Variants in EYA3 observed in about 807,000 individuals in gnomAD.
The protein encoded by EYA3 is EYA transcriptional coactivator and phosphatase 3, also known as protein phosphatase EYA3.
Under a neutral mutation model 80.0 loss-of-function variants are expected in EYA3, and 39 were observed. The ratio of observed to expected loss-of-function variants is 0.49; its 90% CI spans 0.38 to 0.64. EYA3 has a LOEUF of 0.64. EYA3 is among the 30% of genes least tolerant of loss of function. The pLI is 0.00. For missense variants in EYA3, 523 were observed against 676.1 expected (o/e 0.77, Z 2.51); for synonymous variants, 206 against 232.8 (o/e 0.88, Z 1.05).
intron 1 of EYA3, among the ~76,000 whole-genome samples, chr1:28,084,784 A>T (rs538935463): frequency 6.7e-6 from 1 of 150,146 alleles, no homozygotes; most frequent in Non-Finnish European, 1.5e-5. Context: ...AATTTTTTGT[A>T]TTTTAGTAGA....
chr1:28,021,592 A>T (rs964728429), intron 7 of EYA3, among the ~76,000 whole-genome samples: 2 of 150,980 alleles, frequency 1.3e-5, no homozygotes, highest in African/African-American at 4.9e-5. Context: ...CTAAGTGTGA[A>T]GGGCAAAATC....
At chr1:28,040,968 T>C (rs1643743839) in intron 4 of EYA3, among the ~76,000 whole-genome samples, 1 of 152,184 alleles carries the variant, frequency 6.6e-6, no homozygotes, top group Non-Finnish European at 1.5e-5. Flanking sequence ...GCAAGAAAAC[T>C]ATAGTACCAA....
In EYA3 at chr1:28,058,672, T is replaced by C. The variant is rs183038950; in HGVS notation, c.-68-578A>G. Among the ~76,000 whole-genome samples, 403 of 152,298 alleles carry C rather than the reference T, an allele frequency of 2.6e-3. 2 individuals carry two copies. Among genetic ancestry groups the C allele is most frequent in the Non-Finnish European group, 4.6e-3 (310 of 68,002 alleles). ...AGAGTGAAACCTTGACTTTTAGAAC[T>C]AAAGAAAATAATCATCCAAAGATAG... On this transcript the variant is annotated intron_variant, in intron 1 of 17. Transcript: ENST00000373871.
At chr1:27,989,637 G>T in intron 15 of EYA3, 60 bp downstream of exon 15, 1 of 1,121,246 alleles carries the variant, frequency 8.9e-7, no homozygotes, top group Non-Finnish European at 1.3e-6. Context: ...GGCTTATCCT[G>T]AACTGGAGTA....
chr1:28,083,332 C>T (rs577022835), intron 1 of EYA3, among the ~76,000 whole-genome samples: 5 of 151,924 alleles, frequency 3.3e-5, no homozygotes, highest in Non-Finnish European at 7.4e-5. Context: ...CCAGCCTGAC[C>T]AACATGGTGA....
chr1:27,987,998 G>A (rs573166257), intron 16 of EYA3, among the ~76,000 whole-genome samples: 1 of 152,248 alleles, frequency 6.6e-6, no homozygotes, highest in Admixed American at 6.5e-5. Flanking sequence ...CTTCCAAGTA[G>A]TTAGGACTAC....
chr1:27,994,088 CTCTCT>C (rs1314718007), intron 13 of EYA3, among the ~76,000 whole-genome samples: 4 of 152,118 alleles, frequency 2.6e-5, no homozygotes, highest in Admixed American at 6.5e-5. Flanking sequence ...TTTGATATTC[CTCTCT>C]TCTAATTCTG....
At chr1:28,061,349 A>G (rs757154843) in intron 1 of EYA3, among the ~76,000 whole-genome samples, 4 of 152,240 alleles carry the variant, frequency 2.6e-5, no homozygotes, top group African/African-American at 9.6e-5. Context: ...CATACTAAAT[A>G]TAAGAATGCA....
intron 13 of EYA3, among the ~76,000 whole-genome samples, 187 bp downstream of exon 13, chr1:27,997,133 G>A (rs918249732): frequency 6.6e-6 from 1 of 152,102 alleles, no homozygotes; most frequent in Non-Finnish European, 1.5e-5. Context: ...CGTGCTCCAC[G>A]GCATTTTCTA....
At chr1:28,024,594 T>C (rs1041124040) in intron 7 of EYA3, among the ~76,000 whole-genome samples, 5 of 151,686 alleles carry the variant, frequency 3.3e-5, no homozygotes, top group African/African-American at 4.8e-5. Context: ...GAGGCAAAGG[T>C]TGTAGTGAGC....
intron 15 of EYA3, among the ~76,000 whole-genome samples, chr1:27,989,343 T>C (rs1639879635): frequency 6.6e-6 from 1 of 152,228 alleles, no homozygotes; most frequent in Non-Finnish European, 1.5e-5. Context: ...TTTGGATACA[T>C]TTCTTGGAGC....
At chr1:28,002,418 A>AAT (rs1324163143) in intron 11 of EYA3, among the ~76,000 whole-genome samples, 5 of 150,612 alleles carry the variant, frequency 3.3e-5, no homozygotes, top group South Asian at 2.1e-4. Context: ...TTATTTTATA[A>AAT]ATATATATAT....
intron 1 of EYA3, among the ~76,000 whole-genome samples, chr1:28,066,513 C>T (rs929763810): frequency 2.0e-5 from 3 of 151,270 alleles, no homozygotes; most frequent in South Asian, 2.1e-4. Context: ...AAACTGAATA[C>T]CAACATGCAA....
intron 5 of EYA3, among the ~76,000 whole-genome samples, chr1:28,038,601 G>A (rs772390905): frequency 7.2e-5 from 11 of 152,118 alleles, no homozygotes; most frequent in Non-Finnish European, 1.6e-4. Context: ...TGCATGTTCA[G>A]TGCCTACTCA....
chr1:28,059,077 T>C (rs1290595760), intron 1 of EYA3, among the ~76,000 whole-genome samples: 2 of 152,050 alleles, frequency 1.3e-5, no homozygotes, highest in African/African-American at 4.8e-5. Flanking sequence ...GTACTGAAAA[T>C]AGACAAATAA....
At chr1:28,087,764 G>A (rs1645715756) in intron 1 of EYA3, among the ~76,000 whole-genome samples, 1 of 152,196 alleles carries the variant, frequency 6.6e-6, no homozygotes, top group African/African-American at 2.4e-5. Context: ...ACAAGATCGC[G>A]CCAGCCCAAC....
intron 1 of EYA3, among the ~76,000 whole-genome samples, chr1:28,084,425 A>G (rs1352949297): frequency 3.3e-5 from 5 of 151,076 alleles, no homozygotes; most frequent in Admixed American, 3.3e-4. Context: ...GTAAAAGAAT[A>G]TGCACTTGTA....
chr1:27,990,492 G>A (rs1488571890), intron 14 of EYA3: 1 of 151,966 alleles, frequency 6.6e-6, no homozygotes, highest in African/African-American at 2.4e-5. Flanking sequence ...GGCCAGTGTT[G>A]GCGTGAGTGA....
chr1:28,059,757 G>A (rs1376790730), intron 1 of EYA3, among the ~76,000 whole-genome samples: 1 of 131,346 alleles, frequency 7.6e-6, no homozygotes, highest in Admixed American at 8.8e-5. Flanking sequence ...GTTTCGCTGT[G>A]TCACCCAGGC....
Sources: gnomAD v4.1 joint callset for allele counts (sites outside exome capture counted in the v4.1 genomes callset) on GRCh38, gnomAD v4.1.1 for gene constraint, MANE v1.5 for transcripts, NCBI Gene and HGNC (gene_info 2026-07-23, HGNC 2026-07-21) for gene names.